SDK1: variants seen among roughly 807,000 people sequenced by gnomAD.
SDK1 encodes sidekick cell adhesion molecule 1, also known as protein sidekick-1.
In SDK1, 157 loss-of-function variants were observed where a neutral mutation model predicts 245.5. The observed-to-expected ratio is 0.64, with a 90% CI of 0.56 to 0.73. The LOEUF is 0.73. SDK1 is among the 30% of genes least tolerant of loss of function. The pLI, the probability that SDK1 is intolerant of heterozygous loss-of-function variation, is 0.00. For missense variants in SDK1, 3,583 were observed against 3,002.3 expected (o/e 1.19, Z -4.52); for synonymous variants, 1,647 against 1,278.5 (o/e 1.29, Z -6.15).
At chr7:3,478,979 T>G (rs1309357260) in intron 1 of SDK1, among the ~76,000 whole-genome samples, 1 of 152,354 alleles carries the variant, frequency 6.6e-6, no homozygotes, top group East Asian at 1.9e-4. Flanking sequence ...GTCATAATGT[T>G]TTTTGAAATA....
intron 32 of SDK1, among the ~76,000 whole-genome samples, chr7:4,164,516 C>A (rs1781370451): frequency 6.6e-6 from 1 of 152,242 alleles, no homozygotes; most frequent in Non-Finnish European, 1.5e-5. Flanking sequence ...CCTGCACCAA[C>A]ACAGTCAATC....
intron 22 of SDK1, among the ~76,000 whole-genome samples, chr7:4,090,397 A>T (rs951203733): frequency 6.6e-6 from 1 of 152,182 alleles, no homozygotes; most frequent in African/African-American, 2.4e-5. Context: ...CCTATTCCTG[A>T]AAGCAAAAGC....
At chr7:3,605,837 T>A (rs1781404908) in intron 1 of SDK1, among the ~76,000 whole-genome samples, 1 of 152,204 alleles carries the variant, frequency 6.6e-6, no homozygotes, top group Non-Finnish European at 1.5e-5. Flanking sequence ...TAACTTCTGA[T>A]CAAATTAAGT....
At chr7:4,170,817 G>A (rs1040497112) in intron 32 of SDK1, among the ~76,000 whole-genome samples, 9 of 152,284 alleles carry the variant, frequency 5.9e-5, no homozygotes, top group African/African-American at 1.7e-4. Flanking sequence ...AGCAGGACTG[G>A]CGGCCCGGCA....
chr7:4,132,394 C>T lies in SDK1; in HGVS notation c.4199C>T (p.Pro1400Leu). 2 of 1,612,602 alleles carry T rather than the reference C, an allele frequency of 1.2e-6. No homozygotes were observed. Among genetic ancestry groups the T allele is most frequent in the South Asian group, 1.1e-5 (1 of 90,936 alleles). Residue 1400 changes from proline to leucine, a missense_variant, in exon 28 of 45, where the codon CCT becomes CTT. Transcript: ENST00000404826. ...RLTSVRIVWQ[P>L]PEEPNGIILG... ...ACCTCCGTGCGGATAGTGTGGCAAC[C>T]TCCGGAGGAGCCCAACGGCATCATC...
intron 23 of SDK1, among the ~76,000 whole-genome samples, chr7:4,112,392 A>T (rs556114602): frequency 6.6e-6 from 1 of 152,318 alleles, no homozygotes; most frequent in South Asian, 2.1e-4. Context: ...GCCCTAACGC[A>T]GCTTGCGTTT....
intron 28 of SDK1, among the ~76,000 whole-genome samples, chr7:4,137,146 C>G (rs1273116266): frequency 6.6e-6 from 1 of 152,220 alleles, no homozygotes; most frequent in Non-Finnish European, 1.5e-5. Flanking sequence ...AGGTTTGCAA[C>G]TAGCTGGGCA....
intron 22 of SDK1, among the ~76,000 whole-genome samples, chr7:4,081,031 T>C (rs1206796686): frequency 6.6e-6 from 1 of 152,164 alleles, no homozygotes; most frequent in African/African-American, 2.4e-5. Flanking sequence ...AGCCAGGCAA[T>C]ACTTTTAGGC....
chr7:3,712,967 C>T (rs866183211), intron 4 of SDK1, among the ~76,000 whole-genome samples: 1 of 152,316 alleles, frequency 6.6e-6, no homozygotes, highest in African/African-American at 2.4e-5. Flanking sequence ...AACCCATATG[C>T]CTGACACCCA....
intron 4 of SDK1, among the ~76,000 whole-genome samples, chr7:3,749,541 C>T (rs1206886686): frequency 2.6e-5 from 4 of 152,152 alleles, no homozygotes; most frequent in East Asian, 1.9e-4. Context: ...CCTCGTGATC[C>T]GCCCGCCTTG....
chr7:4,125,350 T>G (rs549003838), intron 25 of SDK1, among the ~76,000 whole-genome samples: 5 of 149,836 alleles, frequency 3.3e-5, no homozygotes, highest in Middle Eastern at 3.7e-3. Flanking sequence ...AATAGATGGA[T>G]GGATGGATGG....
intron 1 of SDK1, among the ~76,000 whole-genome samples, chr7:3,343,802 T>C (rs976138603): frequency 6.6e-6 from 1 of 152,090 alleles, no homozygotes; most frequent in Admixed American, 6.5e-5. Flanking sequence ...CAAGTAACTC[T>C]TCAATTGTTA....
intron 1 of SDK1, among the ~76,000 whole-genome samples, chr7:3,339,077 T>C (rs2128553639): frequency 6.6e-6 from 1 of 152,238 alleles, no homozygotes; most frequent in Non-Finnish European, 1.5e-5. Context: ...CTTAAACCAA[T>C]GACACAGGTA....
At chr7:3,817,294 G>C (rs1415378180) in intron 4 of SDK1, among the ~76,000 whole-genome samples, 2 of 152,146 alleles carry the variant, frequency 1.3e-5, no homozygotes, top group South Asian at 2.1e-4. Flanking sequence ...TTGTTAAAGT[G>C]CCCCCTGTTA....
At position 4,221,325 on chromosome 7, in the gene SDK1, A is replaced by G. The variant is rs1280299489; in HGVS notation, c.5788A>G (p.Thr1930Ala). The change falls in exon 40 of 45, where the codon ACA (threonine) becomes GCA (alanine). Residue 1930 changes from threonine to alanine, a missense_variant. Thr to Ala is a moderately conservative substitution (Grantham distance 58). Coordinates refer to ENST00000404826, the MANE Select transcript of SDK1 (RefSeq NM_152744.4). The part of the protein sequence containing the change: ...LQWTEGHSGD[T>A]PTTGYVIEAR... Reference sequence around the variant, plus strand: ...GTGGACTGAGGGACACTCTGGCGACACACCTACCACGGGCTATGTGATCGA... The same window carrying G: ...GTGGACTGAGGGACACTCTGGCGACGCACCTACCACGGGCTATGTGATCGA... The G allele has an allele frequency of 6.2e-7, 1 of 1,612,902 alleles. No individual in the cohort carries two copies. Among genetic ancestry groups the G allele is most frequent in the Non-Finnish European group, 8.5e-7 (1 of 1,179,686 alleles).
chr7:4,091,390 T>C (rs1781793617), intron 22 of SDK1, among the ~76,000 whole-genome samples: 1 of 146,092 alleles, frequency 6.8e-6, no homozygotes, highest in Non-Finnish European at 1.5e-5. Flanking sequence ...TCACCCAGGC[T>C]GGAGTGCAGC....
chr7:3,499,162 A>C (rs1029681036), intron 1 of SDK1, among the ~76,000 whole-genome samples: 4 of 152,218 alleles, frequency 2.6e-5, no homozygotes, highest in Admixed American at 2.6e-4. Flanking sequence ...GGCTTTCTGA[A>C]TAGCTGAAAT....
chr7:3,841,157 G>C (rs969927755), intron 5 of SDK1, among the ~76,000 whole-genome samples: 1 of 152,072 alleles, frequency 6.6e-6, no homozygotes, highest in East Asian at 1.9e-4. Flanking sequence ...CTCTTTCCTC[G>C]TACCACATGC....
At chr7:4,098,581 C>G (rs890914552) in intron 22 of SDK1, among the ~76,000 whole-genome samples, 4 of 152,096 alleles carry the variant, frequency 2.6e-5, no homozygotes, top group African/African-American at 7.2e-5. Context: ...TTACTAAGGT[C>G]AAAACCTTTT....
Sources: allele counts gnomAD v4.1 joint callset (sites outside exome capture counted in the v4.1 genomes callset), GRCh38; gene constraint gnomAD v4.1.1; transcripts MANE v1.5; gene names NCBI Gene and HGNC (gene_info 2026-07-23, HGNC 2026-07-21).